TRIM2: variants seen among roughly 807,000 people sequenced by gnomAD.
TRIM2 encodes tripartite motif containing 2, also known as tripartite motif-containing protein 2.
Under a neutral mutation model 75.2 loss-of-function variants are expected in TRIM2, and 20 were observed. The ratio of observed to expected loss-of-function variants is 0.27; its 90% CI spans 0.19 to 0.39. The LOEUF (loss-of-function observed/expected upper bound fraction) is 0.39. Among genes scored for constraint, TRIM2 ranks in the 10% least tolerant of loss-of-function variants. The probability of loss-of-function intolerance (pLI) is 1.00; values close to 1 mark genes in which losing one functional copy is unlikely to be tolerated. For missense variants in TRIM2, 660 were observed against 990.8 expected (o/e 0.67, Z 4.48); for synonymous variants, 373 against 388.3 (o/e 0.96, Z 0.46).
chr4:153,338,163 A>G lies in TRIM2; in HGVS notation c.*3197A>G, dbSNP rs912739652. ...CTACTAAATATACAGGGTATGTCCT[A>G]ACATGGAGTTAACTGGAATAGCAGT... On this transcript the variant is annotated 3_prime_UTR_variant, in exon 12 of 12. Transcript: ENST00000338700. The G allele has an allele frequency of 1.0e-6, 1 of 985,766 alleles. No homozygotes were observed. Among genetic ancestry groups the G allele is most frequent in the African/African-American group, 1.7e-5 (1 of 57,246 alleles). 61.1% of individuals were successfully genotyped at this position (985,766 alleles called of 1,614,324 possible). A position where few individuals can be genotyped will look rare whatever the true frequency, so the allele number is the denominator to read the frequency against.
intron 9 of TRIM2, 45 bp from the exon 10 acceptor site, chr4:153,324,033 A>T: frequency 6.7e-7 from 1 of 1,486,966 alleles, no homozygotes. Context: ...ATATGTAATC[A>T]CTTTTGTTGT....
Position 153,276,012 on chromosome 4 carries a change from A to T in TRIM2, c.335A>T (p.Asn112Ile), listed in dbSNP as rs999013593. 1.2e-6 allele frequency: 2 copies of T among 1,614,120 alleles called. No individual in the cohort carries two copies. The highest frequency in any genetic ancestry group is 1.7e-6 in the Non-Finnish European group (2 of 1,180,032). The change falls in exon 3 of 12, where the codon AAC becomes ATC. Residue 112 changes from asparagine to isoleucine, a missense_variant. Physicochemically the swap from Asn to Ile is moderately radical, Grantham distance 149. Coordinates refer to ENST00000338700, the MANE Select transcript of TRIM2 (RefSeq NM_015271.5). ...AALQNNFFIT[N>I]LMDVLQRTPG... ...CTCCAGAACAATTTCTTCATCACAA[A>T]CCTGATGGACGTGCTGCAGCGAACT...
At position 153,248,043 on chromosome 4, in the gene TRIM2, T is replaced by C. The variant is rs1749784803; in HGVS notation, c.31-22292T>C. On this transcript the variant is annotated intron_variant, in intron 1 of 11. Coordinates refer to ENST00000338700, the MANE Select transcript of TRIM2 (RefSeq NM_015271.5). The surrounding 1 kb of genome is among the most constrained non-coding windows in gnomAD (Gnocchi z 4.0). ...TGGAGTCTCGCTCTGTCCCCCAGGC[T>C]GGAGTGCGGTGACACAGTCTCTGCT... Among the ~76,000 whole-genome samples the C allele has an allele frequency of 1.3e-5, 2 of 148,440 alleles. No homozygotes were observed. The highest frequency in any genetic ancestry group is 1.4e-4 in the Admixed American group (2 of 14,598).
At chr4:153,174,418 T>C (rs966079563) in intron 1 of TRIM2, among the ~76,000 whole-genome samples, 2 of 151,932 alleles carry the variant, frequency 1.3e-5, no homozygotes, top group African/African-American at 4.8e-5. Context: ...CATAAGCACC[T>C]CCCAGGCCTC....
At chr4:153,229,327 G>A (rs1044927510) in intron 1 of TRIM2, among the ~76,000 whole-genome samples, 3 of 152,144 alleles carry the variant, frequency 2.0e-5, no homozygotes, top group Non-Finnish European at 4.4e-5. Context: ...GCAGTGGTGC[G>A]ATCTCTGCTC....
intron 8 of TRIM2, among the ~76,000 whole-genome samples, chr4:153,318,808 T>G (rs928834028): frequency 3.9e-5 from 6 of 152,222 alleles, no homozygotes; most frequent in African/African-American, 9.6e-5. Flanking sequence ...ATAGTCTATC[T>G]GTAATAGACA....
chr4:153,186,567 A>G (rs143098259), intron 1 of TRIM2, among the ~76,000 whole-genome samples: 25 of 152,314 alleles, frequency 1.6e-4, no homozygotes, highest in African/African-American at 5.8e-4. Context: ...GTTGGCGCTC[A>G]AGGGACAGCC....
At chr4:153,153,977 G>GT (rs1728987282) in intron 1 of TRIM2, among the ~76,000 whole-genome samples, 3 of 148,008 alleles carry the variant, frequency 2.0e-5, no homozygotes, top group Admixed American at 6.6e-5. Context: ...TGGGGGGTGT[G>GT]GTTTTTTTTC....
intron 1 of TRIM2, among the ~76,000 whole-genome samples, chr4:153,265,340 T>G (rs905469188): frequency 1.7e-4 from 16 of 94,366 alleles, no homozygotes; most frequent in Non-Finnish European, 2.6e-4. Context: ...TTTTTTGTGT[T>G]TTTTTTTGTT....
chr4:153,275,785 G>A (rs1245515000), intron 2 of TRIM2, 108 bp from the exon 3 acceptor site: 1 of 980,048 alleles, frequency 1.0e-6, no homozygotes, highest in Admixed American at 2.2e-5. Context: ...AGACTGGGAT[G>A]GGAGTTTCTG....
intron 2 of TRIM2, among the ~76,000 whole-genome samples, chr4:153,271,117 C>T (rs1262813057): frequency 1.3e-5 from 2 of 152,166 alleles, no homozygotes; most frequent in South Asian, 2.1e-4. Context: ...TGGAGAGGGG[C>T]GTTAATCAGT....
At chr4:153,217,126 C>T (rs1382118876) in intron 1 of TRIM2, among the ~76,000 whole-genome samples, 2 of 152,000 alleles carry the variant, frequency 1.3e-5, no homozygotes, top group Admixed American at 6.6e-5. Flanking sequence ...TGTTAAATGA[C>T]ATGATTTTAT....
intron 1 of TRIM2, among the ~76,000 whole-genome samples, chr4:153,181,198 G>A (rs1732023282): frequency 6.6e-6 from 1 of 152,150 alleles, no homozygotes; most frequent in Non-Finnish European, 1.5e-5. Flanking sequence ...CATCTTTTCA[G>A]ATGATGAAAT....
intron 3 of TRIM2, among the ~76,000 whole-genome samples, chr4:153,287,617 T>G (rs982395127): frequency 1.3e-5 from 2 of 152,174 alleles, no homozygotes; most frequent in African/African-American, 4.8e-5. Flanking sequence ...TTGTTTGCCC[T>G]GAGGGTTATA....
intron 6 of TRIM2, chr4:153,307,750 C>G (rs1309322223): frequency 3.0e-6 from 2 of 660,122 alleles, no homozygotes; most frequent in Non-Finnish European, 5.7e-6. Context: ...GACGCTCGTG[C>G]TGTGTCGGAC....
intron 1 of TRIM2, among the ~76,000 whole-genome samples, chr4:153,238,791 G>A (rs1745684577): frequency 6.6e-6 from 1 of 152,220 alleles, no homozygotes; most frequent in African/African-American, 2.4e-5. Flanking sequence ...AGCACTTGAA[G>A]AGGTTTGGAT....
At chr4:153,257,299 G>T (rs1015556224) in intron 1 of TRIM2, 4 of 596,296 alleles carry the variant, frequency 6.7e-6, no homozygotes, top group Non-Finnish European at 9.0e-6. Flanking sequence ...GACTCAGAGG[G>T]AAAGCAAGCC....
chr4:153,225,265 T>C (rs1741797026), intron 1 of TRIM2, among the ~76,000 whole-genome samples: 1 of 152,252 alleles, frequency 6.6e-6, no homozygotes, highest in Non-Finnish European at 1.5e-5. Context: ...CAGCTTTAGC[T>C]TGATTTGTAC....
chr4:153,168,482 G>C (rs1249171623), intron 1 of TRIM2, among the ~76,000 whole-genome samples: 2 of 152,128 alleles, frequency 1.3e-5, no homozygotes, highest in Non-Finnish European at 2.9e-5. Context: ...AGTGACCAAA[G>C]ATAGGCAGTG....
Sources: allele counts gnomAD v4.1 joint callset (sites outside exome capture counted in the v4.1 genomes callset), GRCh38; gene constraint gnomAD v4.1.1; non-coding constraint Gnocchi (gnomAD v3.1); transcripts MANE v1.5; gene names NCBI Gene and HGNC (gene_info 2026-07-23, HGNC 2026-07-21).